Variants in GAS2 observed in about 807,000 individuals in gnomAD.
The protein encoded by GAS2 is growth arrest specific 2, also known as growth arrest-specific protein 2.
GAS2 carries 20 observed loss-of-function variants against 37.5 expected under a neutral mutation model. The ratio of observed to expected loss-of-function variants is 0.53; its 90% confidence interval spans 0.37 to 0.77. The LOEUF (loss-of-function observed/expected upper bound fraction) is 0.77, where lower values mean the gene tolerates loss of function less well. Among genes scored for constraint, GAS2 ranks in the 30% least tolerant of loss-of-function variants. The pLI is 0.00. For synonymous variants in GAS2, 144 were observed against 132.2 expected, an observed-to-expected ratio of 1.09 and a Z score of -0.61; for missense variants, 336 against 373.4, an observed-to-expected ratio of 0.90 and a Z score of 0.82.
At chr11:22,749,522 G>T (rs1243106173) in intron 6 of GAS2, among the ~76,000 whole-genome samples, 1 of 151,946 alleles carries the variant, frequency 6.6e-6, no homozygotes, top group African/African-American at 2.4e-5. Context: ...CCTGAAAATT[G>T]TATTTGAAAA....
Position 22,811,982 on chromosome 11 carries a change from C to T in GAS2, c.908C>T (p.Ser303Phe). 1 of 1,614,098 alleles carries T rather than the reference C, an allele frequency of 6.2e-7. No individual in the cohort carries two copies. Among genetic ancestry groups the T allele is most frequent in the Non-Finnish European group, 8.5e-7 (1 of 1,179,996 alleles). ...DMNPDNYLVV[S>F]ASYKAKKEIK ...AATCCAGATAACTACTTGGTGGTCT[C>T]TGCCAGTTATAAGGCTAAGAAGGAA... The change falls in exon 8 of 8, where the codon TCT (serine) becomes TTT (phenylalanine). Residue 303 changes from serine (S) to phenylalanine (F), a missense_variant. Physicochemically the swap from Ser to Phe is radical, Grantham distance 155 (BLOSUM62 -2). Transcript: ENST00000454584.
intron 7 of GAS2, among the ~76,000 whole-genome samples, chr11:22,796,533 C>T (rs1318311202): frequency 6.6e-6 from 1 of 151,972 alleles, no homozygotes; most frequent in Non-Finnish European, 1.5e-5. Flanking sequence ...GGAAGGAGGC[C>T]CATATTTTCA....
At chr11:22,692,901 G>C (rs115583639) in intron 3 of GAS2, among the ~76,000 whole-genome samples, 5 of 152,044 alleles carry the variant, frequency 3.3e-5, no homozygotes, top group Non-Finnish European at 7.4e-5. Flanking sequence ...AAGAACAAGC[G>C]AGGAACATTT....
chr11:22,758,709 T>C (rs1854188017), intron 7 of GAS2, among the ~76,000 whole-genome samples: 1 of 151,626 alleles, frequency 6.6e-6, no homozygotes, highest in African/African-American at 2.4e-5. Context: ...AGGTTGGGAG[T>C]TCGAGACCAG....
chr11:22,773,417 A>G (rs1855091552), intron 7 of GAS2, among the ~76,000 whole-genome samples: 4 of 114,244 alleles, frequency 3.5e-5, no homozygotes, highest in African/African-American at 1.4e-4. Context: ...TTTTTGAGAC[A>G]GAGTCTCGCT....
rs557995800 is a variant in GAS2, at chr11:22,706,091, T to C, written c.268-20201T>C. On this transcript the variant is annotated intron_variant, in intron 3 of 7. Coordinates refer to ENST00000454584, the MANE Select transcript of GAS2 (RefSeq NM_001143830.3). ...GAGATGAGACCAAAGCTAAGTCTTG[T>C]TGGATGCTGGCATTTATCTTAAGTA... Among the ~76,000 whole-genome samples the C allele has an allele frequency of 3.4e-3, 518 of 152,230 alleles. 2 individuals are homozygous for C. The highest frequency in any genetic ancestry group is 0.012 in the African/African-American group (480 of 41,548).
chr11:22,752,032 A>C (rs1853768059), intron 6 of GAS2, among the ~76,000 whole-genome samples: 2 of 152,044 alleles, frequency 1.3e-5, no homozygotes, highest in Admixed American at 6.6e-5. Flanking sequence ...TACAATGTGG[A>C]TATTTCTGTA....
chr11:22,703,643 G>A (rs1470512880), intron 3 of GAS2, among the ~76,000 whole-genome samples: 1 of 152,254 alleles, frequency 6.6e-6, no homozygotes, highest in East Asian at 1.9e-4. Flanking sequence ...ATATTTATGT[G>A]TGTGTGGTCC....
intron 2 of GAS2, among the ~76,000 whole-genome samples, chr11:22,682,488 C>A (rs1332665598): frequency 6.6e-6 from 1 of 152,006 alleles, no homozygotes; most frequent in Admixed American, 6.5e-5. Flanking sequence ...TAAAGTTTAT[C>A]TTCTTTATCT....
At chr11:22,675,559 T>G (rs894346081) in intron 2 of GAS2, among the ~76,000 whole-genome samples, 1 of 152,226 alleles carries the variant, frequency 6.6e-6, no homozygotes, top group African/African-American at 2.4e-5. Context: ...TAACAGTACT[T>G]TTGCTGACCT....
chr11:22,775,389 C>T lies in GAS2; in HGVS notation c.723+19436C>T, dbSNP rs75416176. ...TCTACTGTGTGAGGCTATCTTGTGT[C>T]TTGGTTATTTAAAATTGAAACACCG... On this transcript the variant is annotated intron_variant, in intron 7 of 7. Transcript: ENST00000454584. Among the ~76,000 whole-genome samples the T allele has an allele frequency of 3.6e-3, 543 of 152,168 alleles. 5 individuals carry two copies. The highest frequency in any genetic ancestry group is 0.012 in the African/African-American group (504 of 41,510).
chr11:22,689,714 A>T (rs1850144350), intron 3 of GAS2, among the ~76,000 whole-genome samples: 1 of 152,208 alleles, frequency 6.6e-6, no homozygotes, highest in African/African-American at 2.4e-5. Flanking sequence ...ATTCACTACA[A>T]CCCAGGTAAT....
chr11:22,784,356 TAGTA>T (rs1029485341), intron 7 of GAS2, among the ~76,000 whole-genome samples: 2 of 152,170 alleles, frequency 1.3e-5, no homozygotes, highest in Non-Finnish European at 2.9e-5. Flanking sequence ...GGATTGATGA[TAGTA>T]AGTTACTAGT....
At chr11:22,740,811 A>C (rs1226803080) in intron 5 of GAS2, among the ~76,000 whole-genome samples, 2 of 152,198 alleles carry the variant, frequency 1.3e-5, no homozygotes, top group African/African-American at 2.4e-5. Flanking sequence ...TCACAGACCC[A>C]TAGAGGATTA....
chr11:22,769,882 C>T (rs1854886002), intron 7 of GAS2, among the ~76,000 whole-genome samples: 1 of 152,078 alleles, frequency 6.6e-6, no homozygotes, highest in South Asian at 2.1e-4. Flanking sequence ...ATGTAACTTT[C>T]TGAGGGTAAA....
chr11:22,678,636 AT>A (rs1849544088), intron 2 of GAS2, among the ~76,000 whole-genome samples: 2 of 151,802 alleles, frequency 1.3e-5, no homozygotes, highest in East Asian at 3.8e-4. Flanking sequence ...CTAAAATGTA[AT>A]TTTTTTCCTT....
intron 7 of GAS2, among the ~76,000 whole-genome samples, chr11:22,803,134 C>T (rs1005906845): frequency 1.3e-5 from 2 of 152,016 alleles, no homozygotes; most frequent in South Asian, 2.1e-4. Context: ...GGTCAAGAGC[C>T]GCTACCTTTT....
chr11:22,737,797 G>A, intron 5 of GAS2, 29 bp downstream of exon 5: 1 of 1,600,504 alleles, frequency 6.2e-7, no homozygotes, highest in Non-Finnish European at 8.6e-7. Context: ...ACTATGTCAA[G>A]ACATTGACGA....
At position 22,771,894 on chromosome 11, in the gene GAS2, T is replaced by C. The variant is rs180901764; in HGVS notation, c.723+15941T>C. ...CTTGAGGATTTAATTTCTTTGTAGC[T>C]TCTGTTTCCTGGTAAAGATAATGCT... is the stretch of plus-strand genomic sequence containing the variant. On this transcript the variant is annotated intron_variant, in intron 7 of 7. Transcript: ENST00000454584. Among the ~76,000 whole-genome samples, 3 of 152,312 alleles carry C rather than the reference T, an allele frequency of 2.0e-5. No homozygotes were observed. In the East Asian group the frequency reaches 5.8e-4, roughly 29 times the overall value.
Sources: allele counts gnomAD v4.1 joint callset (sites outside exome capture counted in the v4.1 genomes callset), GRCh38; gene constraint gnomAD v4.1.1; transcripts MANE v1.5; gene names NCBI Gene and HGNC (gene_info 2026-07-23, HGNC 2026-07-21).